Variants in BBS12 observed in about 807,000 individuals in gnomAD.
BBS12 encodes chaperonin-containing T-complex member BBS12.
In BBS12, 5 loss-of-function variants were observed where a neutral mutation model predicts 5.6. That is an observed-to-expected ratio of 0.89 (90% CI 0.46 to 1.86). The LOEUF is 1.86. Ranked by LOEUF, BBS12 falls within the 40% of genes most tolerant of loss-of-function variation. The pLI, the probability that BBS12 is intolerant of heterozygous loss-of-function variation, is 0.01. For missense variants in BBS12, 748 were observed against 830.4 expected (o/e 0.90, Z 1.22); for synonymous variants, 308 against 306.8 (o/e 1.00, Z -0.04).
chr4:122,727,961 A>G (rs1293096422), upstream of BBS12, among the ~76,000 whole-genome samples: 9 of 152,232 alleles, frequency 5.9e-5, no homozygotes, highest in Admixed American at 1.3e-4. Context: ...AATGCCTCTC[A>G]TAAGAGAAAT....
At chr4:122,701,829 C>A in the BBS12 span, among the ~76,000 whole-genome samples, 1 of 152,282 alleles carries the variant, frequency 6.6e-6, no homozygotes, top group Non-Finnish European at 1.5e-5. Context: ...AAGTAAAAAT[C>A]CAGTGAGTAC....
At chr4:122,710,435 C>T in the BBS12 span, among the ~76,000 whole-genome samples, 3 of 152,208 alleles carry the variant, frequency 2.0e-5, no homozygotes, top group East Asian at 3.8e-4. Context: ...ATCTGCATAG[C>T]ACAACTGGGG....
chr4:122,707,972 C>CCTTCCTTCCTTCCTTCCTTT, the BBS12 span, among the ~76,000 whole-genome samples: 1 of 124,632 alleles, frequency 8.0e-6, no homozygotes, highest in African/African-American at 3.2e-5. Flanking sequence ...TTCCTTCCTT[C>CCTTCCTTCCTTCCTTCCTTT]CTTTCTTTCT....
the BBS12 span, among the ~76,000 whole-genome samples, chr4:122,725,681 G>C: frequency 6.6e-6 from 1 of 152,034 alleles, no homozygotes. Context: ...GGAGGATCAT[G>C]AGGTCAAGAG....
chr4:122,742,906 G>A lies in BBS12; in HGVS notation c.1014G>A (p.Val338=). ...TTTGTCCAGGATATATCACTGTTGT[G>A]TCAGTATCTAATAATCCTGTGATCA... ...SCVCPGYITV[V]SVSNNPVIKE... Residue 338 remains valine (V), a synonymous_variant, in exon 2 of 2, where the codon GTG becomes GTA. Transcript: ENST00000314218. 2 of 1,614,216 alleles carry A rather than the reference G, an allele frequency of 1.2e-6. No individual in the cohort carries two copies. The highest frequency in any genetic ancestry group is 1.7e-6 in the Non-Finnish European group (2 of 1,180,032).
intron 1 of BBS12, among the ~76,000 whole-genome samples, chr4:122,735,734 G>A (rs1560703560): frequency 6.6e-6 from 1 of 152,070 alleles, no homozygotes; most frequent in African/African-American, 2.4e-5. Flanking sequence ...AATATTGTAG[G>A]TACTCGGGAT....
At position 122,744,083 on chromosome 4, in the gene BBS12, ATATATT is replaced by A; in HGVS notation, c.*59_*64del. ...TCATAATATGTCATGCTAATAATAA[ATATATT>A]GATAGCCAAGTCATGGTGCCTAAAA... On this transcript the variant is annotated 3_prime_UTR_variant, in exon 2 of 2. Transcript: ENST00000314218. 1 of 1,532,816 alleles carries A rather than the reference ATATATT, an allele frequency of 6.5e-7. No individual in the cohort carries two copies. Among genetic ancestry groups the A allele is most frequent in the Non-Finnish European group, 9.0e-7 (1 of 1,110,188 alleles). The allele number at this position is 1,532,816 out of a possible 1,614,324, so 95.0% of individuals were successfully genotyped here.
At chr4:122,724,894 C>A in the BBS12 span, among the ~76,000 whole-genome samples, 1 of 152,130 alleles carries the variant, frequency 6.6e-6, no homozygotes, top group Non-Finnish European at 1.5e-5. Flanking sequence ...TTCCCTTACT[C>A]CAGTATGGGC....
At chr4:122,729,369 G>A (rs1249615885), upstream of BBS12, 1 of 152,246 alleles carries the variant, frequency 6.6e-6, no homozygotes. Context: ...AAGACTGTAT[G>A]TATGAGATTC....
chr4:122,730,252 C>T (rs1256563499), upstream of BBS12: 1 of 152,174 alleles, frequency 6.6e-6, no homozygotes, highest in African/African-American at 2.4e-5. Flanking sequence ...AAGCCAACTT[C>T]ATCAAACTTT....
chr4:122,738,490 G>T (rs546676568), intron 1 of BBS12, among the ~76,000 whole-genome samples: 1 of 152,184 alleles, frequency 6.6e-6, no homozygotes, highest in Admixed American at 6.5e-5. Context: ...GATTACAGGC[G>T]TGAGCCACTG....
Position 122,742,589 on chromosome 4 carries a change from C to T in BBS12, c.697C>T (p.His233Tyr). 6.2e-7 allele frequency: 1 copy of T among 1,614,142 alleles called. No homozygotes were observed. Among genetic ancestry groups the T allele is most frequent in the Non-Finnish European group, 8.5e-7 (1 of 1,180,024 alleles). Reference protein sequence around the residue: ...DTCCRQSILIHSRHFNRTDNT... With the variant: ...DTCCRQSILIYSRHFNRTDNT... ...CTGCTGCAGACAGTCAATACTAATC[C>T]ACAGTAGGCATTTTAATAGGACAGA... is the stretch of plus-strand genomic sequence containing the variant. Residue 233 changes from histidine (H) to tyrosine (Y), a missense_variant, in exon 2 of 2, where the codon CAC becomes TAC. Coordinates refer to ENST00000314218, the MANE Select transcript of BBS12 (RefSeq NM_152618.3).
intron 1 of BBS12, among the ~76,000 whole-genome samples, chr4:122,740,834 C>T (rs1308505988): frequency 6.6e-6 from 1 of 152,136 alleles, no homozygotes; most frequent in Non-Finnish European, 1.5e-5. Context: ...TGGTGCCAGA[C>T]ATTGTTCTAA....
chr4:122,743,125 T>C lies in BBS12; in HGVS notation c.1233T>C (p.Leu411=). 1 of 1,614,246 alleles carries C rather than the reference T, an allele frequency of 6.2e-7. No homozygotes were observed. The highest frequency in any genetic ancestry group is 8.5e-7 in the Non-Finnish European group (1 of 1,180,044). The part of the protein sequence containing the change: ...LQVLIQFKVN[L]VLVQGNVSER... The stretch of plus-strand genomic sequence containing the variant: ...TGTTAATCCAGTTCAAGGTGAACCT[T>C]GTCCTGGTACAAGGAAATGTGTCCG... Residue 411 remains leucine, a synonymous_variant, in exon 2 of 2, where the codon CTT becomes CTC. Transcript: ENST00000314218.
Position 122,742,270 on chromosome 4 carries a change from GGTA to G in BBS12, c.381_383del (p.Val128del). On this transcript the variant is annotated inframe_deletion, in exon 2 of 2. Transcript: ENST00000314218. ...AAGGCTTAAACTTTTGTAGTGAAGA[GGTA>G]GTTTCTCTTCATGTACCTGTTCACA... is the stretch of plus-strand genomic sequence containing the variant. The G allele has an allele frequency of 6.2e-7, 1 of 1,613,782 alleles. No individual in the cohort carries two copies. Among genetic ancestry groups the G allele is most frequent in the Non-Finnish European group, 8.5e-7 (1 of 1,179,962 alleles).
Position 122,742,368 on chromosome 4 carries a change from C to A in BBS12, c.476C>A (p.Pro159His). 1 of 1,614,130 alleles carries A rather than the reference C, an allele frequency of 6.2e-7. No homozygotes were observed. Among genetic ancestry groups the A allele is most frequent in the Non-Finnish European group, 8.5e-7 (1 of 1,180,016 alleles). Reference protein sequence around the residue: ...QLETFSVSLCPFLQVPSDTDL... With the variant: ...QLETFSVSLCHFLQVPSDTDL... ...GAAACATTTAGTGTAAGTTTGTGTC[C>A]TTTTCTACAGGTCCCTTCAGATACT... Residue 159 changes from proline (P) to histidine (H), a missense_variant, in exon 2 of 2, where the codon CCT becomes CAT. Coordinates refer to ENST00000314218, the MANE Select transcript of BBS12 (RefSeq NM_152618.3).
the BBS12 span, among the ~76,000 whole-genome samples, chr4:122,707,054 CTT>C: frequency 3.7e-4 from 27 of 72,248 alleles, no homozygotes; most frequent in Admixed American, 6.3e-4. Context: ...CTCTCTCTCT[CTT>C]TTTTTTTTTT....
the BBS12 span, among the ~76,000 whole-genome samples, chr4:122,719,768 G>A: frequency 2.0e-5 from 3 of 152,232 alleles, no homozygotes; most frequent in African/African-American, 7.2e-5. Flanking sequence ...TGCAAAGATA[G>A]AAATTTGAGT....
intron 1 of BBS12, among the ~76,000 whole-genome samples, chr4:122,736,506 T>C (rs899018769): frequency 6.6e-6 from 1 of 151,892 alleles, no homozygotes; most frequent in African/African-American, 2.4e-5. Context: ...ACATAATCTT[T>C]TGAAAAAAAA....
Sources: gnomAD v4.1 joint callset for allele counts (sites outside exome capture counted in the v4.1 genomes callset) on GRCh38, gnomAD v4.1.1 for gene constraint, MANE v1.5 for transcripts, NCBI Gene and HGNC (gene_info 2026-07-23, HGNC 2026-07-21) for gene names.